Variants in KALRN observed in about 807,000 individuals in gnomAD.
KALRN encodes kalirin RhoGEF kinase.
In KALRN, 70 loss-of-function variants were observed where a neutral mutation model predicts 353.7. The ratio of observed to expected loss-of-function variants is 0.20; its 90% CI spans 0.16 to 0.24. The LOEUF (loss-of-function observed/expected upper bound fraction) is 0.24, where lower values mean the gene tolerates loss of function less well. KALRN is among the 10% of genes least tolerant of loss of function. KALRN has a pLI of 1.00. For missense variants in KALRN, 2,791 were observed against 3,756.7 expected, an observed-to-expected ratio of 0.74 and a Z score of 6.72; for synonymous variants, 1,391 against 1,434.8, an observed-to-expected ratio of 0.97 and a Z score of 0.69.
At chr3:124,575,403 G>T (rs1367011694) in intron 34 of KALRN, among the ~76,000 whole-genome samples, 1 of 152,198 alleles carries the variant, frequency 6.6e-6, no homozygotes, top group Non-Finnish European at 1.5e-5. Flanking sequence ...CTCATTTCCA[G>T]TAAAACGAAG....
chr3:124,692,714 A>G (rs2061875496), intron 51 of KALRN, among the ~76,000 whole-genome samples: 1 of 152,274 alleles, frequency 6.6e-6, no homozygotes, highest in Non-Finnish European at 1.5e-5. Context: ...CACTTGATGT[A>G]CAAGATTTTA....
intron 49 of KALRN, chr3:124,677,468 A>T (rs906181526): frequency 2.6e-6 from 1 of 390,494 alleles, no homozygotes; most frequent in Non-Finnish European, 5.0e-6. Context: ...TGCTGCTCTC[A>T]CCTCCCTGGG....
intron 5 of KALRN, among the ~76,000 whole-genome samples, chr3:124,293,059 A>C (rs2076555589): frequency 6.6e-6 from 1 of 152,208 alleles, no homozygotes; most frequent in Non-Finnish European, 1.5e-5. Flanking sequence ...CTGGGCGGCT[A>C]GTTTCCCAGA....
At chr3:124,073,325 T>A (rs1365217434) in intron 1 of KALRN, among the ~76,000 whole-genome samples, 2 of 152,214 alleles carry the variant, frequency 1.3e-5, no homozygotes, top group Non-Finnish European at 2.9e-5. Flanking sequence ...AATGGCCCAC[T>A]CCTTTTAAAA....
chr3:124,413,737 C>G, intron 14 of KALRN, 72 bp downstream of exon 14: 1 of 1,151,580 alleles, frequency 8.7e-7, no homozygotes, highest in Non-Finnish European at 1.3e-6. Flanking sequence ...CTGCAAGGAG[C>G]AGTGCCACAT....
chr3:124,680,543 T>G (rs2087672589), intron 51 of KALRN, among the ~76,000 whole-genome samples: 1 of 152,132 alleles, frequency 6.6e-6, no homozygotes, highest in Admixed American at 6.5e-5. Context: ...AAAAAGAAAT[T>G]TATATCATCC....
intron 13 of KALRN, among the ~76,000 whole-genome samples, chr3:124,412,429 C>T (rs889571839): frequency 6.6e-6 from 1 of 152,176 alleles, no homozygotes; most frequent in South Asian, 2.1e-4. Context: ...CACATGCTGT[C>T]GCCTTCAAGG....
chr3:124,587,698 C>A (rs1388445898), intron 34 of KALRN, among the ~76,000 whole-genome samples: 1 of 75,864 alleles, frequency 1.3e-5, no homozygotes, highest in Non-Finnish European at 2.3e-5. Context: ...CCACCCTCCA[C>A]TTTTTTTTTT....
At chr3:124,272,713 G>A (rs919418241) in intron 5 of KALRN, among the ~76,000 whole-genome samples, 2 of 152,192 alleles carry the variant, frequency 1.3e-5, no homozygotes, top group African/African-American at 4.8e-5. Flanking sequence ...TGCCACTCAA[G>A]CTTGACCCAG....
At chr3:124,612,604 T>A (rs1431720342) in intron 34 of KALRN, among the ~76,000 whole-genome samples, 1 of 152,150 alleles carries the variant, frequency 6.6e-6, no homozygotes, top group Non-Finnish European at 1.5e-5. Context: ...ACCAAAGTGC[T>A]GGGATTACAG....
chr3:124,290,748 G>C (rs910737694), intron 5 of KALRN, among the ~76,000 whole-genome samples: 1 of 152,206 alleles, frequency 6.6e-6, no homozygotes, highest in Non-Finnish European at 1.5e-5. Flanking sequence ...GGAGGATTAA[G>C]TGAGTTAATA....
At chr3:124,082,257 A>G (rs1455128707) in intron 1 of KALRN, 5 of 471,070 alleles carry the variant, frequency 1.1e-5, no homozygotes, top group African/African-American at 1.0e-4. Context: ...TTTTAGGGCA[A>G]CTAGTATGGA....
intron 36 of KALRN, among the ~76,000 whole-genome samples, chr3:124,636,246 A>G (rs540777192): frequency 1.3e-5 from 2 of 152,306 alleles, no homozygotes; most frequent in East Asian, 3.9e-4. Flanking sequence ...CCTTGGGAAC[A>G]CCACTGCCCC....
In KALRN at chr3:124,667,140, G is replaced by A. The variant is rs1238481278; in HGVS notation, c.6660G>A (p.Gln2220=). 3 of 1,614,042 alleles carry A rather than the reference G, an allele frequency of 1.9e-6. No homozygotes were observed. The highest frequency in any genetic ancestry group is 1.7e-5 in the Admixed American group (1 of 60,010). ...ANADIQQAWV[Q]DINQVLETQR... is the part of the protein sequence containing the mutation. The stretch of plus-strand genomic sequence containing the variant: ...CTGACATCCAGCAGGCCTGGGTGCA[G>A]GACATCAATCAAGTCTTAGAAACAC... Residue 2220 remains glutamine, a synonymous_variant, in exon 47 of 60, where the codon CAG becomes CAA. Coordinates refer to ENST00000682506, the MANE Select transcript of KALRN (RefSeq NM_001388419.1).
At chr3:124,227,957 C>T (rs760194792) in intron 1 of KALRN, 33 bp from the exon 2 acceptor site, 2 of 1,583,220 alleles carry the variant, frequency 1.3e-6, no homozygotes, top group African/African-American at 1.3e-5. Context: ...TGGCTCCTCT[C>T]ACCCTGATTC....
intron 1 of KALRN, among the ~76,000 whole-genome samples, chr3:124,034,143 G>C (rs962034700): frequency 7.2e-5 from 11 of 152,080 alleles, no homozygotes; most frequent in Non-Finnish European, 1.2e-4. Context: ...GCAGCGCGCC[G>C]CTCCGGCTAC....
intron 11 of KALRN, among the ~76,000 whole-genome samples, chr3:124,392,783 T>A (rs1285914568): frequency 6.9e-6 from 1 of 144,882 alleles, no homozygotes; most frequent in Non-Finnish European, 1.5e-5. Context: ...TTTTGTATTT[T>A]TTTTTATTTT....
intron 33 of KALRN, among the ~76,000 whole-genome samples, chr3:124,509,309 A>G (rs2065605607): frequency 6.6e-6 from 1 of 152,164 alleles, no homozygotes; most frequent in Non-Finnish European, 1.5e-5. Flanking sequence ...CCCGGGTTCA[A>G]GCAATTCTGC....
intron 1 of KALRN, among the ~76,000 whole-genome samples, chr3:124,150,007 C>A (rs887102468): frequency 6.6e-6 from 1 of 152,182 alleles, no homozygotes; most frequent in Admixed American, 6.5e-5. Flanking sequence ...CAATGAATGC[C>A]AAGCTGTTAG....
Sources: gnomAD v4.1 joint callset for allele counts (sites outside exome capture counted in the v4.1 genomes callset) on GRCh38, gnomAD v4.1.1 for gene constraint, MANE v1.5 for transcripts, NCBI Gene and HGNC (gene_info 2026-07-23, HGNC 2026-07-21) for gene names.